The following EVC variants were observed in gnomAD, a reference collection of about 807,000 sequenced individuals.
EVC encodes EvC ciliary complex subunit 1.
Under a neutral mutation model 118.9 loss-of-function variants are expected in EVC, and 116 were observed. The ratio of observed to expected loss-of-function variants is 0.98; its 90% CI spans 0.84 to 1.14. EVC has a LOEUF of 1.14. EVC is among the 50% of genes most tolerant of loss of function. The pLI is 0.00. For synonymous variants in EVC, 619 were observed against 534.7 expected (o/e 1.16, Z -2.18); for missense variants, 1,401 against 1,246.4 (o/e 1.12, Z -1.87).
intron 7 of EVC, among the ~76,000 whole-genome samples, chr4:5,747,445 C>G (rs1411346462): frequency 6.6e-6 from 1 of 152,208 alleles, no homozygotes; most frequent in Non-Finnish European, 1.5e-5. Context: ...CGAGCCTGTT[C>G]CTACACCTCT....
chr4:5,820,580 C>T, the EVC span, among the ~76,000 whole-genome samples: 1 of 152,160 alleles, frequency 6.6e-6, no homozygotes, highest in Non-Finnish European at 1.5e-5. Context: ...GCCGTCTTCC[C>T]TCTCTTCGCC....
intron 2 of EVC, among the ~76,000 whole-genome samples, chr4:5,726,547 C>T (rs764371876): frequency 9.6e-5 from 14 of 145,660 alleles, no homozygotes; most frequent in Non-Finnish European, 2.1e-4. Context: ...AAGCAGCCCA[C>T]TGATGAGTTT....
chr4:5,758,452 T>A (rs1731521143), intron 11 of EVC: 1 of 238,102 alleles, frequency 4.2e-6, no homozygotes, highest in African/African-American at 2.3e-5. Context: ...AGACACTGCA[T>A]TTTCCTTCCT....
chr4:5,784,359 C>G (rs561394168), intron 12 of EVC, among the ~76,000 whole-genome samples: 114 of 152,086 alleles, frequency 7.5e-4, no homozygotes, highest in African/African-American at 2.5e-3. Flanking sequence ...AAGCAGAGGT[C>G]GGAATGGTGT....
intron 11 of EVC, among the ~76,000 whole-genome samples, chr4:5,781,704 T>C (rs953277128): frequency 6.6e-6 from 1 of 152,084 alleles, no homozygotes; most frequent in Admixed American, 6.6e-5. Context: ...CCAGGCATAG[T>C]GGCATACACT....
At position 5,763,810 on chromosome 4, in the gene EVC, A is replaced by G. The variant is rs1484375024; in HGVS notation, c.1563+7448A>G. On this transcript the variant is annotated intron_variant, in intron 11 of 20. Transcript: ENST00000264956. ...CTTAAGGAGATTTTGGGCTGAGACA[A>G]TGGGGTTTTCTAGATATACAATCAT... Among the ~76,000 whole-genome samples, 14 of 102,576 alleles carry G rather than the reference A, an allele frequency of 1.4e-4. 1 individual carries two copies. The highest frequency in any genetic ancestry group is 3.0e-4 in the East Asian group (1 of 3,336). The allele number at this position is 102,576 out of a possible 152,430, so 67.3% of individuals were successfully genotyped here.
intron 17 of EVC, 52 bp from the exon 18 acceptor site, chr4:5,808,149 C>T (rs1360365767): frequency 2.8e-6 from 2 of 709,710 alleles, no homozygotes; most frequent in African/African-American, 1.8e-5. Flanking sequence ...CTCCCTCCCT[C>T]CCTCCCTCCC....
At chr4:5,808,067 G>A in intron 17 of EVC, 134 bp from the exon 18 acceptor site, 3 of 736,036 alleles carry the variant, frequency 4.1e-6, no homozygotes, top group Non-Finnish European at 7.0e-6. Context: ...TGCTGTGAAT[G>A]GTGCCCCCGA....
rs796964056 is a variant in EVC at position 5,745,090 on chromosome 4, G to C, written c.802-114G>C. The stretch of plus-strand genomic sequence containing the variant: ...ACAACCCCCAGAGCATTTAACTATT[G>C]TTTAAAAATATTTTGTGAAATTTGA... On this transcript the variant is annotated intron_variant, in intron 6 of 20. Transcript: ENST00000264956. 8.1e-5 allele frequency: 87 copies of C among 1,068,330 alleles called. No individual in the cohort carries two copies. In the African/African-American group the frequency reaches 1.0e-3, roughly 12 times the overall value. The allele number at this position is 1,068,330 out of a possible 1,614,324, so 66.2% of individuals were successfully genotyped here. A position where few individuals can be genotyped will look rare whatever the true frequency, so the allele number is the denominator to read the frequency against.
intron 3 of EVC, among the ~76,000 whole-genome samples, chr4:5,730,898 C>T (rs1726699927): frequency 1.5e-5 from 2 of 136,000 alleles, no homozygotes; most frequent in South Asian, 5.1e-4. Flanking sequence ...CAGGCTGTGA[C>T]CTCCTGTGGG....
rs1730921856 is a variant in EVC at position 5,754,841 on chromosome 4, C to T, written c.1464+908C>T. On this transcript the variant is annotated intron_variant, in intron 10 of 20. Transcript: ENST00000264956. The surrounding 1 kb of genome is among the most constrained non-coding windows in gnomAD (Gnocchi z 5.8). ...ACCAAGGAAGGGGCAGCCCCAGCCT[C>T]ACTGTTTGCCTGGGTCCGCCTGCCC... is the stretch of plus-strand genomic sequence containing the variant. Among the ~76,000 whole-genome samples, 2 of 152,168 alleles carry T rather than the reference C, an allele frequency of 1.3e-5. No individual in the cohort carries two copies. Among genetic ancestry groups the T allele is most frequent in the Non-Finnish European group, 2.9e-5 (2 of 68,030 alleles).
chr4:5,714,190 A>C (rs987223345), intron 1 of EVC, among the ~76,000 whole-genome samples: 1 of 152,190 alleles, frequency 6.6e-6, no homozygotes, highest in African/African-American at 2.4e-5. Flanking sequence ...ACGCTAGATC[A>C]GGTACTTCCC....
At chr4:5,786,813 A>G (rs965000134) in intron 12 of EVC, among the ~76,000 whole-genome samples, 3 of 150,140 alleles carry the variant, frequency 2.0e-5, no homozygotes, top group Non-Finnish European at 4.4e-5. Context: ...CAGAGCTTGC[A>G]GTGAGCCGAG....
At position 5,741,108 on chromosome 4, in the gene EVC, A is replaced by G. The variant is rs562363832; in HGVS notation, c.703-608A>G. On this transcript the variant is annotated intron_variant, in intron 5 of 20. Transcript: ENST00000264956. ...CATTTGTGGGCATTTATCTCAGAGA[A>G]ATGAGGACTTACGTTCACACAAATG... 3.1e-4 allele frequency among the ~76,000 whole-genome samples: 47 copies of G among 152,356 alleles called. 1 individual carries two copies. In the South Asian group the frequency reaches 9.5e-3, roughly 31 times the overall value.
chr4:5,799,957 A>C (rs570411519), intron 15 of EVC, among the ~76,000 whole-genome samples: 1 of 152,234 alleles, frequency 6.6e-6, no homozygotes, highest in Admixed American at 6.5e-5. Context: ...AGTAAGATAG[A>C]AGGGTGTCGT....
chr4:5,780,382 A>G (rs1464204573), intron 11 of EVC, among the ~76,000 whole-genome samples: 1 of 152,224 alleles, frequency 6.6e-6, no homozygotes, highest in African/African-American at 2.4e-5. Flanking sequence ...TATGAGTCCA[A>G]GAGTCCAATG....
chr4:5,720,247 C>A (rs1724717596), intron 2 of EVC, among the ~76,000 whole-genome samples: 2 of 152,190 alleles, frequency 1.3e-5, no homozygotes, highest in Admixed American at 1.3e-4. Flanking sequence ...CAGTTTTACA[C>A]CTCTCACCTG....
intron 11 of EVC, among the ~76,000 whole-genome samples, chr4:5,780,011 G>A (rs542088677): frequency 1.6e-4 from 24 of 152,186 alleles, no homozygotes; most frequent in Non-Finnish European, 2.6e-4. Context: ...TTTGAGATAC[G>A]TCCCATCAAT....
At chr4:5,728,604 T>C (rs1321109500) in intron 2 of EVC, among the ~76,000 whole-genome samples, 4 of 152,302 alleles carry the variant, frequency 2.6e-5, no homozygotes, top group African/African-American at 9.6e-5. Context: ...CTCAGCAGGG[T>C]GCTTCATGAA....
Sources: gnomAD v4.1 joint callset for allele counts (sites outside exome capture counted in the v4.1 genomes callset) on GRCh38, gnomAD v4.1.1 for gene constraint, Gnocchi (gnomAD v3.1) non-coding constraint, MANE v1.5 for transcripts, NCBI Gene and HGNC (gene_info 2026-07-23, HGNC 2026-07-21) for gene names.